CKAP2L: variants seen among roughly 807,000 people sequenced by gnomAD.
CKAP2L encodes cytoskeleton-associated protein 2-like.
In CKAP2L, 42 loss-of-function variants were observed where a neutral mutation model predicts 65.7. The observed-to-expected ratio is 0.64, with a 90% confidence interval of 0.50 to 0.83. The LOEUF (loss-of-function observed/expected upper bound fraction) is 0.83. CKAP2L is among the 40% of genes least tolerant of loss of function. CKAP2L has a pLI of 0.00. For missense variants in CKAP2L, 908 were observed against 871.0 expected (o/e 1.04, Z -0.53); for synonymous variants, 325 against 313.5 (o/e 1.04, Z -0.39).
chr2:112,750,617 T>C (rs1231355731), intron 5 of CKAP2L, among the ~76,000 whole-genome samples: 1 of 152,200 alleles, frequency 6.6e-6, no homozygotes, highest in Non-Finnish European at 1.5e-5. Context: ...ATTCTCCTCT[T>C]AGGCTCCACC....
In CKAP2L at chr2:112,736,662, T is replaced by C. The variant is rs1679219312; in HGVS notation, c.*2161A>G. On this transcript the variant is annotated 3_prime_UTR_variant, in exon 9 of 9. Coordinates refer to ENST00000302450, the MANE Select transcript of CKAP2L (RefSeq NM_152515.5). ...GTACTTGAGCTCTTTCTTAAAAAAT[T>C]AAATATTCCATATGTGAGATCATGC... 1 of 152,210 alleles carries C rather than the reference T, an allele frequency of 6.6e-6. No homozygotes were observed. Among genetic ancestry groups the C allele is most frequent in the African/African-American group, 2.4e-5 (1 of 41,452 alleles). 9.4% of individuals were successfully genotyped at this position (152,210 alleles called of 1,614,324 possible).
intron 3 of CKAP2L, among the ~76,000 whole-genome samples, chr2:112,758,998 T>A (rs1680629886): frequency 6.6e-6 from 1 of 152,222 alleles, no homozygotes; most frequent in East Asian, 1.9e-4. Context: ...TGGAATCATG[T>A]AATATGTGGC....
At chr2:112,743,285 G>A (rs191071463) in intron 6 of CKAP2L, among the ~76,000 whole-genome samples, 1 of 152,106 alleles carries the variant, frequency 6.6e-6, no homozygotes, top group Non-Finnish European at 1.5e-5. Context: ...TGGGACTACA[G>A]GCGCCCACCA....
chr2:112,762,667 T>C (rs1680761622), intron 1 of CKAP2L, 98 bp from the exon 2 acceptor site: 1 of 1,005,074 alleles, frequency 9.9e-7, no homozygotes, highest in African/African-American at 1.6e-5. Flanking sequence ...CTAGTGATTT[T>C]GCCTTTGCAA....
chr2:112,761,234 G>A (rs969193784), intron 2 of CKAP2L, among the ~76,000 whole-genome samples: 12 of 152,032 alleles, frequency 7.9e-5, no homozygotes, highest in African/African-American at 2.7e-4. Context: ...GCCAAGGCAG[G>A]CGGATCATGA....
At chr2:112,763,725 C>T (rs1680803677) in intron 1 of CKAP2L, 1 of 152,152 alleles carries the variant, frequency 6.6e-6, no homozygotes, top group Non-Finnish European at 1.5e-5. Flanking sequence ...AACGGAGTTG[C>T]CCTGTTTTGC....
At position 112,752,407 on chromosome 2, in the gene CKAP2L, T is replaced by G; in HGVS notation, c.1462A>C (p.Thr488Pro). Reference sequence around the variant, plus strand: ...ATTTCCTTTATTACTTTTCTTTTTGTTTTAAGTTCCATAGGAGGCCGTTTA... The same window carrying G: ...ATTTCCTTTATTACTTTTCTTTTTGGTTTAAGTTCCATAGGAGGCCGTTTA... ...TYKRPPMELK[T>P]KRKVIKEMNI... is the part of the protein sequence containing the mutation. Residue 488 changes from threonine (T) to proline (P), a missense_variant, in exon 5 of 9, where the codon ACA (threonine) becomes CCA (proline). Transcript: ENST00000302450. The G allele has an allele frequency of 6.2e-7, 1 of 1,612,896 alleles. No individual in the cohort carries two copies. Among genetic ancestry groups the G allele is most frequent in the South Asian group, 1.1e-5 (1 of 90,986 alleles).
Position 112,756,246 on chromosome 2 carries a change from T to TA in CKAP2L, c.1124dup (p.Ser376LysfsTer5). 1 of 1,614,210 alleles carries TA rather than the reference T, an allele frequency of 6.2e-7. No individual in the cohort carries two copies. Among genetic ancestry groups the TA allele is most frequent in the Non-Finnish European group, 8.5e-7 (1 of 1,180,030 alleles). ...CAACTGTCAAATTAGGCCTCTGGCTTATGGCTTTTGACTTTTGCAGTACAC... is the reference window on the plus strand; with the variant it reads ...CAACTGTCAAATTAGGCCTCTGGCTTAATGGCTTTTGACTTTTGCAGTACAC... On this transcript the variant is annotated frameshift_variant, in exon 4 of 9. Transcript: ENST00000302450. LOFTEE classifies it high-confidence loss of function.
chr2:112,738,739 CT>C lies in CKAP2L; in HGVS notation c.*83del. 1.3e-5 allele frequency: 12 copies of C among 916,230 alleles called. No homozygotes were observed. The highest frequency in any genetic ancestry group is 1.9e-5 in the Non-Finnish European group (11 of 581,216). 56.8% of individuals were successfully genotyped at this position (916,230 alleles called of 1,614,324 possible). A position where few individuals can be genotyped will look rare whatever the true frequency, so the allele number is the denominator to read the frequency against. ...CATAATCTGCATCCATGATGCCTCTCTTTTTTTCCAGGTCACTTGGACAAGA... is the reference window on the plus strand; with the variant it reads ...CATAATCTGCATCCATGATGCCTCTCTTTTTTCCAGGTCACTTGGACAAGA... On this transcript the variant is annotated 3_prime_UTR_variant, in exon 9 of 9. Transcript: ENST00000302450.
Position 112,738,544 on chromosome 2 carries a change from T to G in CKAP2L, c.*279A>C, listed in dbSNP as rs906477984. On this transcript the variant is annotated 3_prime_UTR_variant, in exon 9 of 9. Transcript: ENST00000302450. ...AAAACTATGTTGGGATTAAAGTAGATCAATAAAGTATAAATATTTATCATA... is the reference window on the plus strand; with the variant it reads ...AAAACTATGTTGGGATTAAAGTAGAGCAATAAAGTATAAATATTTATCATA... The G allele has an allele frequency of 4.0e-5, 15 of 374,138 alleles. No homozygotes were observed. The highest frequency in any genetic ancestry group is 6.3e-5 in the Non-Finnish European group (13 of 206,574). 23.2% of individuals were successfully genotyped at this position (374,138 alleles called of 1,614,324 possible).
Position 112,762,486 on chromosome 2 carries a change from T to G in CKAP2L, c.104+17A>C, listed in dbSNP as rs369124659. 2 of 1,608,438 alleles carry G rather than the reference T, an allele frequency of 1.2e-6. No individual in the cohort carries two copies. The highest frequency in any genetic ancestry group is 2.2e-5 in the South Asian group (2 of 90,970). On this transcript the variant is annotated intron_variant, in intron 2 of 8. Coordinates refer to ENST00000302450, the MANE Select transcript of CKAP2L (RefSeq NM_152515.5). ...GAAGGCAACAAAACTTGCGTAACTG[T>G]GGACAGATAAACTCACTTGGTGTTT... is the stretch of plus-strand genomic sequence containing the variant.
intron 2 of CKAP2L, 146 bp downstream of exon 2, chr2:112,762,357 G>A (rs1290414753): frequency 6.2e-6 from 4 of 649,176 alleles, no homozygotes; most frequent in Non-Finnish European, 1.1e-5. Flanking sequence ...GTCATGCCTG[G>A]ACTGAAATGC....
rs1214772255 is a variant in CKAP2L at position 112,737,284 on chromosome 2, A to G, written c.*1539T>C. 6.6e-6 allele frequency: 1 copy of G among 151,934 alleles called. No homozygotes were observed. Among genetic ancestry groups the G allele is most frequent in the African/African-American group, 2.4e-5 (1 of 41,358 alleles). 9.4% of individuals were successfully genotyped at this position (151,934 alleles called of 1,614,324 possible). A position where few individuals can be genotyped will look rare whatever the true frequency, so the allele number is the denominator to read the frequency against. On this transcript the variant is annotated 3_prime_UTR_variant, in exon 9 of 9. Transcript: ENST00000302450. ...GGGTCAGATAACAGTTCTATTTTTA[A>G]TTTCTTTAGGAGCCTCCATACCGTT...
At chr2:112,763,461 T>C (rs1680794884) in intron 1 of CKAP2L, among the ~76,000 whole-genome samples, 1 of 151,886 alleles carries the variant, frequency 6.6e-6, no homozygotes, top group Non-Finnish European at 1.5e-5. Context: ...ACGCAAGCCA[T>C]TTGTGAGGGG....
chr2:112,756,708 T>A lies in CKAP2L; in HGVS notation c.663A>T (p.Leu221Phe), dbSNP rs371786477. The A allele has an allele frequency of 6.3e-6, 10 of 1,593,440 alleles. No individual in the cohort carries two copies. The highest frequency in any genetic ancestry group is 3.6e-5 in the Admixed American group (2 of 55,160). ...TTTTGCCCAAGGCTTGTTTAGGAAC[T>A]AAACTGTTCTTGGTTTGATTATAAG... Reference protein sequence around the residue: ...TDSYNQTKNSLVPKQALGKSS... With the variant: ...TDSYNQTKNSFVPKQALGKSS... The change falls in exon 4 of 9, where the codon TTA becomes TTT. Residue 221 changes from leucine (L) to phenylalanine (F), a missense_variant. By Grantham distance (22) the Leu-to-Phe change is conservative. Transcript: ENST00000302450.
At position 112,760,829 on chromosome 2, in the gene CKAP2L, C is replaced by G. The variant is rs552656110; in HGVS notation, c.105-65G>C. ...GATTCTAAGCTAAGCTTGGGAAGTA[C>G]AGTGATTAAAAATTATGAATAGAAT... On this transcript the variant is annotated intron_variant, in intron 2 of 8. Transcript: ENST00000302450. 330 of 816,618 alleles carry G rather than the reference C, an allele frequency of 4.0e-4. 3 individuals carry two copies. The African/African-American group carries it at 5.2e-3, about 13-fold the overall frequency. The allele number at this position is 816,618 out of a possible 1,614,324, so 50.6% of individuals were successfully genotyped here.
chr2:112,752,034 T>C (rs757054371), intron 5 of CKAP2L, among the ~76,000 whole-genome samples: 1 of 152,210 alleles, frequency 6.6e-6, no homozygotes, highest in Non-Finnish European at 1.5e-5. Flanking sequence ...GTGGTCATAG[T>C]AACAGTGGTT....
In CKAP2L at chr2:112,752,319, A is replaced by G. The variant is rs566640864; in HGVS notation, c.1550T>C (p.Leu517Pro). The G allele has an allele frequency of 8.7e-5, 140 of 1,614,036 alleles. No individual in the cohort carries two copies. The highest frequency in any genetic ancestry group is 1.1e-4 in the Non-Finnish European group (135 of 1,179,946). ...EEEEKKAQLE[L>P]SSKINNTLTE... ...CAGAGTGTTGTTAATTTTACTGGAC[A>G]GTTCGAGTTGTGCTTTCTTTTCTTC... Residue 517 changes from leucine to proline, a missense_variant, in exon 5 of 9, where the codon CTG becomes CCG. Physicochemically the swap from Leu to Pro is moderately conservative, Grantham distance 98 (BLOSUM62 -3). Coordinates refer to ENST00000302450, the MANE Select transcript of CKAP2L (RefSeq NM_152515.5).
intron 5 of CKAP2L, 84 bp from the exon 6 acceptor site, chr2:112,746,659 T>C (rs967880898): frequency 2.3e-5 from 24 of 1,062,832 alleles, no homozygotes; most frequent in African/African-American, 2.0e-4. Context: ...ACAGCAGGTA[T>C]GCAGAAATTG....
Sources: gnomAD v4.1 joint callset for allele counts (sites outside exome capture counted in the v4.1 genomes callset) on GRCh38, gnomAD v4.1.1 for gene constraint, MANE v1.5 for transcripts, NCBI Gene and HGNC (gene_info 2026-07-23, HGNC 2026-07-21) for gene names.